Variants in FAM81A observed in about 807,000 individuals in gnomAD.
FAM81A encodes the protein family with sequence similarity 81 member A.
Under a neutral mutation model 46.7 loss-of-function variants are expected in FAM81A, and 19 were observed. That is an observed-to-expected ratio of 0.41 (90% CI 0.28 to 0.60). FAM81A has a LOEUF of 0.60. Ranked by LOEUF, FAM81A falls within the 20% of genes least tolerant of loss-of-function variation. The pLI, the probability that FAM81A is intolerant of heterozygous loss-of-function variation, is 0.34. For synonymous variants in FAM81A, 183 were observed against 152.9 expected, an observed-to-expected ratio of 1.20 and a Z score of -1.45; for missense variants, 377 against 453.5, an observed-to-expected ratio of 0.83 and a Z score of 1.53.
At chr15:59,426,009 C>A (rs143732285) in intron 2 of FAM81A, among the ~76,000 whole-genome samples, 13 of 152,164 alleles carry the variant, frequency 8.5e-5, no homozygotes, top group African/African-American at 3.1e-4. Flanking sequence ...ATATTTGGAA[C>A]AATTTGCTAT....
intron 4 of FAM81A, among the ~76,000 whole-genome samples, chr15:59,497,670 G>C (rs2082048610): frequency 6.6e-6 from 1 of 152,016 alleles, no homozygotes; most frequent in Non-Finnish European, 1.5e-5. Context: ...AGGAGTTTGA[G>C]GCCAGGAGTT....
chr15:59,504,716 T>C (rs766269102), intron 4 of FAM81A, among the ~76,000 whole-genome samples: 12 of 152,202 alleles, frequency 7.9e-5, no homozygotes, highest in Non-Finnish European at 1.8e-4. Context: ...AAAGTCTTTA[T>C]TTTGTACTTA....
chr15:59,516,909 C>A, intron 8 of FAM81A, 69 bp downstream of exon 8: 1 of 1,373,568 alleles, frequency 7.3e-7, no homozygotes, highest in Non-Finnish European at 9.7e-7. Flanking sequence ...AATTAGTATC[C>A]CCTGCAACTA....
chr15:59,461,290 C>G (rs1256887079), intron 3 of FAM81A, among the ~76,000 whole-genome samples: 1 of 151,960 alleles, frequency 6.6e-6, no homozygotes, highest in East Asian at 1.9e-4. Context: ...TGGCTTCTTT[C>G]TTTCCTTTTC....
At position 59,507,314 on chromosome 15, in the gene FAM81A, A is replaced by G; in HGVS notation, c.515A>G (p.Glu172Gly). The G allele has an allele frequency of 6.2e-7, 1 of 1,612,590 alleles. No individual in the cohort carries two copies. The highest frequency in any genetic ancestry group is 1.6e-4 in the Middle Eastern group (1 of 6,062). ...KEQQAAKLIL[E>G]TKIKDAEGQI... is the part of the protein sequence containing the mutation. ...CAGCAGGCTGCCAAACTTATCTTGG[A>G]AACGAAAATCAAAGATGCAGAGGGA... Residue 172 changes from glutamate (E) to glycine (G), a missense_variant, in exon 5 of 9, where the codon GAA becomes GGA. Glu to Gly is a moderately conservative substitution (Grantham distance 98). Coordinates refer to ENST00000288228, the MANE Select transcript of FAM81A (RefSeq NM_152450.3).
At chr15:59,452,004 G>C (rs1417138979) in intron 1 of FAM81A, among the ~76,000 whole-genome samples, 1 of 152,228 alleles carries the variant, frequency 6.6e-6, no homozygotes, top group East Asian at 1.9e-4. Context: ...GGAGCATGCA[G>C]CATAGAGCCA....
intron 4 of FAM81A, among the ~76,000 whole-genome samples, chr15:59,494,751 AG>A (rs1270987719): frequency 6.6e-6 from 1 of 152,138 alleles, no homozygotes; most frequent in East Asian, 1.9e-4. Flanking sequence ...ATTGTATTGG[AG>A]GGGTATGAAC....
chr15:59,445,359 C>T (rs1340190515), intron 1 of FAM81A: 1 of 152,138 alleles, frequency 6.6e-6, no homozygotes, highest in Non-Finnish European at 1.5e-5. Flanking sequence ...TTATGGAATT[C>T]TTAAAATTGT....
intron 2 of FAM81A, among the ~76,000 whole-genome samples, chr15:59,416,500 C>T (rs1223419264): frequency 3.3e-5 from 5 of 152,164 alleles, no homozygotes; most frequent in South Asian, 4.1e-4. Context: ...CCGTGAGATG[C>T]GTCATTTGAG....
At chr15:59,508,995 T>A (rs1474401333) in intron 6 of FAM81A, 26 bp downstream of exon 6, 1 of 1,568,474 alleles carries the variant, frequency 6.4e-7, no homozygotes, top group Non-Finnish European at 8.7e-7. Flanking sequence ...ATTAAAAAAA[T>A]AAAACTTAAA....
intron 2 of FAM81A, 124 bp from the exon 3 acceptor site, chr15:59,459,809 C>T (rs1357816674): frequency 1.5e-6 from 2 of 1,356,396 alleles, no homozygotes; most frequent in South Asian, 1.6e-5. Flanking sequence ...GAAATCCTGC[C>T]TCAAACCCTA....
chr15:59,415,504 G>A (rs772386594), intron 2 of FAM81A, among the ~76,000 whole-genome samples: 8 of 152,174 alleles, frequency 5.3e-5, no homozygotes, highest in Non-Finnish European at 1.0e-4. Flanking sequence ...GGAGGCAGAC[G>A]AGAGGCTTGG....
chr15:59,472,030 A>G (rs1291376206), intron 3 of FAM81A, among the ~76,000 whole-genome samples: 2 of 152,124 alleles, frequency 1.3e-5, no homozygotes, highest in African/African-American at 4.8e-5. Context: ...GGTCACAGCA[A>G]TTTGATTTCT....
intron 1 of FAM81A, among the ~76,000 whole-genome samples, chr15:59,456,483 C>G (rs1176114072): frequency 1.3e-5 from 2 of 152,164 alleles, no homozygotes; most frequent in Non-Finnish European, 2.9e-5. Context: ...ATCAGTTCTT[C>G]CTGACCTAGC....
chr15:59,403,306 G>A lies in FAM81A; in HGVS notation c.-78+948G>A, dbSNP rs570874241. Reference sequence around the variant, plus strand: ...TCCGGCATTTAAAGAGGAAATTAAGGTTAAATGAGACCATAAGATTGGAGT... The same window carrying A: ...TCCGGCATTTAAAGAGGAAATTAAGATTAAATGAGACCATAAGATTGGAGT... On this transcript the variant is annotated intron_variant, in intron 2 of 4. Transcript: ENST00000558348. Among the ~76,000 whole-genome samples, 5 of 152,102 alleles carry A rather than the reference G, an allele frequency of 3.3e-5. No individual in the cohort carries two copies. In the East Asian group the frequency reaches 9.6e-4, roughly 29 times the overall value.
chr15:59,426,646 T>G (rs538124561), intron 2 of FAM81A, among the ~76,000 whole-genome samples: 1 of 152,288 alleles, frequency 6.6e-6, no homozygotes, highest in Admixed American at 6.5e-5. Context: ...AAGAAATACA[T>G]GTACTCAGTT....
chr15:59,518,807 T>A (rs1567080744), intron 8 of FAM81A, among the ~76,000 whole-genome samples: 1 of 151,812 alleles, frequency 6.6e-6, no homozygotes, highest in Non-Finnish European at 1.5e-5. Flanking sequence ...GTTTTTTAAA[T>A]AAAAAAAATT....
intron 3 of FAM81A, among the ~76,000 whole-genome samples, chr15:59,465,530 C>G (rs2081601810): frequency 1.3e-5 from 2 of 152,178 alleles, no homozygotes; most frequent in Non-Finnish European, 2.9e-5. Context: ...ATCTCGGCCT[C>G]CCAAAGTGCT....
chr15:59,509,709 G>C (rs2082185143), intron 6 of FAM81A, among the ~76,000 whole-genome samples: 1 of 152,184 alleles, frequency 6.6e-6, no homozygotes, highest in African/African-American at 2.4e-5. Flanking sequence ...TGTTTGAGGT[G>C]AGAGCTGAAG....
Sources: allele counts gnomAD v4.1 joint callset (sites outside exome capture counted in the v4.1 genomes callset), GRCh38; gene constraint gnomAD v4.1.1; transcripts MANE v1.5; gene names NCBI Gene and HGNC (gene_info 2026-07-23, HGNC 2026-07-21).